The following RXFP2 variants were observed in gnomAD, a reference collection of about 807,000 sequenced individuals.
RXFP2 encodes the protein relaxin family peptide receptor 2, also known as relaxin receptor 2.
Under a neutral mutation model 88.6 loss-of-function variants are expected in RXFP2, and 68 were observed. The ratio of observed to expected loss-of-function variants is 0.77; its 90% CI spans 0.63 to 0.94. RXFP2 has a LOEUF of 0.94. RXFP2 is among the 40% of genes least tolerant of loss of function. RXFP2 has a pLI of 0.00. For synonymous variants in RXFP2, 329 were observed against 306.8 expected, an observed-to-expected ratio of 1.07 and a Z score of -0.76; for missense variants, 791 against 893.9, an observed-to-expected ratio of 0.88 and a Z score of 1.47.
chr13:31,794,105 A>T (rs1873916403), intron 16 of RXFP2, among the ~76,000 whole-genome samples: 1 of 151,744 alleles, frequency 6.6e-6, no homozygotes, highest in South Asian at 2.1e-4. Context: ...GTCACTTAAA[A>T]CTCATCATGA....
chr13:31,786,706 A>C (rs555385268), intron 13 of RXFP2, 69 bp downstream of exon 13: 8 of 999,044 alleles, frequency 8.0e-6, no homozygotes, highest in Non-Finnish European at 1.3e-5. Flanking sequence ...ATTTATTTTT[A>C]AATGGGTATT....
At chr13:31,769,972 C>T (rs1265074118) in intron 5 of RXFP2, among the ~76,000 whole-genome samples, 2 of 152,180 alleles carry the variant, frequency 1.3e-5, no homozygotes, top group Non-Finnish European at 2.9e-5. Flanking sequence ...GAGAACAGCA[C>T]TAAATTGTCT....
intron 5 of RXFP2, among the ~76,000 whole-genome samples, chr13:31,769,879 C>G (rs529197608): frequency 6.6e-6 from 1 of 152,280 alleles, no homozygotes; most frequent in South Asian, 2.1e-4. Flanking sequence ...TATTTTCCAT[C>G]ATAGTCACTA....
rs1555287088 is a variant in RXFP2, at chr13:31,803,317, G to GT, written c.*918dup. On this transcript the variant is annotated 3_prime_UTR_variant, in exon 18 of 18. Transcript: ENST00000298386. Reference sequence around the variant, plus strand: ...CAAAAAAGCAATGAAGTTTGGGGTGGTTTTTTGAAAACGAAACTGAAAAAA... The same window carrying GT: ...CAAAAAAGCAATGAAGTTTGGGGTGGTTTTTTTGAAAACGAAACTGAAAAAA... 6.6e-6 allele frequency: 1 copy of GT among 152,062 alleles called. No homozygotes were observed. The highest frequency in any genetic ancestry group is 1.5e-5 in the Non-Finnish European group (1 of 68,018). The allele number at this position is 152,062 out of a possible 1,614,324, so 9.4% of individuals were successfully genotyped here. A position where few individuals can be genotyped will look rare whatever the true frequency, so the allele number is the denominator to read the frequency against.
At chr13:31,764,053 G>A (rs949198233) in intron 3 of RXFP2, among the ~76,000 whole-genome samples, 2 of 151,766 alleles carry the variant, frequency 1.3e-5, no homozygotes, top group African/African-American at 4.8e-5. Context: ...AAAAGAAGAA[G>A]GGCACCTGAA....
intron 1 of RXFP2, among the ~76,000 whole-genome samples, chr13:31,740,111 C>A (rs1004581002): frequency 6.6e-6 from 1 of 152,074 alleles, no homozygotes; most frequent in Non-Finnish European, 1.5e-5. Context: ...AACTATCTTG[C>A]GTGAACATAA....
chr13:31,775,472 T>C (rs1201344157), intron 7 of RXFP2, 83 bp downstream of exon 7: 12 of 1,003,068 alleles, frequency 1.2e-5, no homozygotes, highest in Non-Finnish European at 1.8e-5. Flanking sequence ...TTCCACTATT[T>C]GACATATCTT....
intron 5 of RXFP2, among the ~76,000 whole-genome samples, chr13:31,769,053 A>ATT (rs1872647167): frequency 6.6e-6 from 1 of 152,210 alleles, no homozygotes; most frequent in East Asian, 1.9e-4. Context: ...TGTGATGAAT[A>ATT]TTTATTGATA....
At chr13:31,777,202 G>A (rs1206314927) in intron 7 of RXFP2, among the ~76,000 whole-genome samples, 174 bp from the exon 8 acceptor site, 1 of 152,146 alleles carries the variant, frequency 6.6e-6, no homozygotes, top group African/African-American at 2.4e-5. Context: ...GAAGCTGTAG[G>A]AATTTGGAGG....
intron 17 of RXFP2, 133 bp downstream of exon 17, chr13:31,797,552 T>C (rs1874117401): frequency 1.4e-6 from 1 of 717,088 alleles, no homozygotes; most frequent in Non-Finnish European, 2.4e-6. Flanking sequence ...CTCCATGTTT[T>C]ATAATCAGTA....
chr13:31,796,150 C>T (rs868442760), intron 16 of RXFP2, among the ~76,000 whole-genome samples: 3 of 143,500 alleles, frequency 2.1e-5, no homozygotes, highest in Non-Finnish European at 3.0e-5. Context: ...CCCGGGTTCA[C>T]GCCATTCTCC....
At chr13:31,778,852 C>G (rs1470061957) in intron 9 of RXFP2, among the ~76,000 whole-genome samples, 1 of 152,146 alleles carries the variant, frequency 6.6e-6, no homozygotes, top group South Asian at 2.1e-4. Flanking sequence ...ATGTATCAAA[C>G]TACTACTCCT....
chr13:31,794,243 G>C (rs1873921460), intron 16 of RXFP2, among the ~76,000 whole-genome samples: 1 of 151,902 alleles, frequency 6.6e-6, no homozygotes, highest in Non-Finnish European at 1.5e-5. Flanking sequence ...GTAGTTATTT[G>C]GTCATAGATA....
rs776828390 is a variant in RXFP2, at chr13:31,789,157, C to A, written c.1109C>A (p.Thr370Lys). ...AGGATAGAGATTCCAAATATAAACA[C>A]ACGAATGTTTCAACCCATGAAGAAT... ...LERIEIPNIN[T>K]RMFQPMKNLS... The change falls in exon 14 of 18, where the codon ACA (threonine) becomes AAA (lysine). Residue 370 changes from threonine (T) to lysine (K), a missense_variant. Physicochemically the swap from Thr to Lys is moderately conservative, Grantham distance 78. Transcript: ENST00000298386. The A allele has an allele frequency of 8.7e-6, 14 of 1,608,446 alleles. No individual in the cohort carries two copies. In the African/African-American group the frequency reaches 1.5e-4, roughly 17 times the overall value.
intron 11 of RXFP2, among the ~76,000 whole-genome samples, chr13:31,784,682 A>G (rs568746368): frequency 4.9e-4 from 75 of 152,194 alleles, no homozygotes; most frequent in Admixed American, 1.0e-3. Flanking sequence ...TGGTGTCATG[A>G]CAGCACCTCA....
intron 5 of RXFP2, among the ~76,000 whole-genome samples, chr13:31,772,115 T>A (rs1046984876): frequency 1.3e-5 from 2 of 152,238 alleles, no homozygotes; most frequent in Admixed American, 6.5e-5. Flanking sequence ...CAGTTTCAAA[T>A]GACCTTTCAG....
At chr13:31,767,658 C>G (rs1467655194) in intron 5 of RXFP2, among the ~76,000 whole-genome samples, 1 of 152,140 alleles carries the variant, frequency 6.6e-6, no homozygotes, top group African/African-American at 2.4e-5. Flanking sequence ...CACGAAGTGA[C>G]TAAAGTCTGC....
intron 11 of RXFP2, among the ~76,000 whole-genome samples, chr13:31,785,592 CA>C (rs1217863567): frequency 1.3e-5 from 2 of 151,426 alleles, no homozygotes; most frequent in Non-Finnish European, 2.9e-5. Context: ...AGCTTCTTTA[CA>C]AAAAGAGCTA....
At position 31,791,986 on chromosome 13, in the gene RXFP2, C is replaced by G. The variant is rs1433158325; in HGVS notation, c.1326C>G (p.Phe442Leu). 1 of 1,614,094 alleles carries G rather than the reference C, an allele frequency of 6.2e-7. No homozygotes were observed. Among genetic ancestry groups the G allele is most frequent in the East Asian group, 2.2e-5 (1 of 44,882 alleles). Residue 442 changes from phenylalanine (F) to leucine (L), a missense_variant, in exon 15 of 18, where the codon TTC becomes TTG. Phe to Leu is a conservative substitution (Grantham distance 22, BLOSUM62 0). Transcript: ENST00000298386. ...TTTTTGTCATTGGCATGAGATCTTT[C>G]ATTAAAGCTGAAAATACAACTCACG... is the stretch of plus-strand genomic sequence containing the variant. ...GNLFVIGMRS[F>L]IKAENTTHAM... is the part of the protein sequence containing the mutation.
Sources: allele counts gnomAD v4.1 joint callset (sites outside exome capture counted in the v4.1 genomes callset), GRCh38; gene constraint gnomAD v4.1.1; transcripts MANE v1.5; gene names NCBI Gene and HGNC (gene_info 2026-07-23, HGNC 2026-07-21).